PTPN12: variants seen among roughly 807,000 people sequenced by gnomAD.
PTPN12 encodes the protein protein tyrosine phosphatase non-receptor type 12.
PTPN12 carries 29 observed loss-of-function variants against 97.6 expected under a neutral mutation model. The observed-to-expected ratio is 0.30, with a 90% CI of 0.22 to 0.41. PTPN12 has a LOEUF of 0.41. Among genes scored for constraint, PTPN12 ranks in the 10% least tolerant of loss-of-function variants. The pLI, the probability that PTPN12 is intolerant of heterozygous loss-of-function variation, is 1.00. For missense variants in PTPN12, 819 were observed against 926.0 expected, an observed-to-expected ratio of 0.88 and a Z score of 1.50; for synonymous variants, 327 against 300.4, an observed-to-expected ratio of 1.09 and a Z score of -0.91.
chr7:77,549,255 A>G (rs1159663761), intron 1 of PTPN12, among the ~76,000 whole-genome samples: 2 of 152,134 alleles, frequency 1.3e-5, no homozygotes, highest in Non-Finnish European at 2.9e-5. Context: ...AGAATCCTTG[A>G]AGCAAAATTG....
intron 16 of PTPN12, among the ~76,000 whole-genome samples, chr7:77,637,586 G>A (rs529206350): frequency 3.9e-5 from 6 of 152,120 alleles, no homozygotes; most frequent in African/African-American, 1.4e-4. Context: ...GCCTGGCGTG[G>A]TGGCTCACAC....
rs1191426270 is a variant in PTPN12, at chr7:77,578,136, C to T, written c.209-3291C>T. ...CAGTCACCAGAAACTTTACTGAGGA[C>T]CCAGTGGTAAACCAGCTATTGTATT... On this transcript the variant is annotated intron_variant, in intron 2 of 17. Coordinates refer to ENST00000248594, the MANE Select transcript of PTPN12 (RefSeq NM_002835.4). Among the ~76,000 whole-genome samples the T allele has an allele frequency of 2.0e-5, 3 of 152,166 alleles. No individual in the cohort carries two copies. In the East Asian group the frequency reaches 5.8e-4, roughly 29 times the overall value.
At chr7:77,592,354 C>A in intron 6 of PTPN12, 98 bp downstream of exon 6, 4 of 1,005,408 alleles carry the variant, frequency 4.0e-6, no homozygotes, top group Non-Finnish European at 5.8e-6. Flanking sequence ...GGCTTATAGA[C>A]GCCAAGGACT....
chr7:77,541,114 A>T (rs375846714), intron 1 of PTPN12, among the ~76,000 whole-genome samples: 1 of 152,158 alleles, frequency 6.6e-6, no homozygotes, highest in Non-Finnish European at 1.5e-5. Flanking sequence ...TTTTTGAGAC[A>T]GGGTCTCACT....
chr7:77,604,209 C>CATTT (rs1554320981), intron 8 of PTPN12, among the ~76,000 whole-genome samples: 2 of 52,790 alleles, frequency 3.8e-5, no homozygotes, highest in Admixed American at 3.4e-4. Context: ...TTTTTTCTTC[C>CATTT]TTTTTTTTTT....
chr7:77,587,812 A>G (rs1351493927), intron 5 of PTPN12, among the ~76,000 whole-genome samples: 1 of 152,218 alleles, frequency 6.6e-6, no homozygotes, highest in Non-Finnish European at 1.5e-5. Context: ...TCTTTGGATA[A>G]CTTGCTGCAG....
chr7:77,632,366 A>G lies in PTPN12; in HGVS notation c.2015A>G (p.Asp672Gly). Reference sequence around the variant, plus strand: ...AATTTAGATGTTGATGTTAGTGAAGATTCACCTCCTCCCCTACCTGAAAGA... The same window carrying G: ...AATTTAGATGTTGATGTTAGTGAAGGTTCACCTCCTCCCCTACCTGAAAGA... Reference protein sequence around the residue: ...GAEKDVDVSEDSPPPLPERTP... With the variant: ...GAEKDVDVSEGSPPPLPERTP... The change falls in exon 14 of 18, where the codon GAT becomes GGT. Residue 672 changes from aspartate (D) to glycine (G), a missense_variant. Physicochemically the swap from Asp to Gly is moderately conservative, Grantham distance 94. Coordinates refer to ENST00000248594, the MANE Select transcript of PTPN12 (RefSeq NM_002835.4). 3 of 1,608,222 alleles carry G rather than the reference A, an allele frequency of 1.9e-6. No individual in the cohort carries two copies. Among genetic ancestry groups the G allele is most frequent in the Non-Finnish European group, 2.6e-6 (3 of 1,174,746 alleles).
chr7:77,577,666 A>T (rs1787383879), intron 2 of PTPN12, among the ~76,000 whole-genome samples: 1 of 152,234 alleles, frequency 6.6e-6, no homozygotes, highest in African/African-American at 2.4e-5. Context: ...CAAAATCAAA[A>T]TACACATGAT....
chr7:77,542,703 T>G (rs1379126368), intron 1 of PTPN12, among the ~76,000 whole-genome samples: 2 of 151,796 alleles, frequency 1.3e-5, no homozygotes, highest in Non-Finnish European at 2.9e-5. Flanking sequence ...TTTGGTAGAG[T>G]AAGGAGTGAG....
intron 17 of PTPN12, 194 bp downstream of exon 17, chr7:77,638,925 A>G: frequency 1.0e-6 from 1 of 982,522 alleles, no homozygotes; most frequent in Non-Finnish European, 1.4e-6. Flanking sequence ...AGAAAACTGC[A>G]GTATAAAAAA....
At chr7:77,614,446 A>C (rs902897174) in intron 11 of PTPN12, among the ~76,000 whole-genome samples, 22 of 152,178 alleles carry the variant, frequency 1.4e-4, no homozygotes, top group African/African-American at 5.1e-4. Flanking sequence ...GATGAGATGA[A>C]ATAATACCCA....
intron 1 of PTPN12, among the ~76,000 whole-genome samples, chr7:77,569,153 C>G (rs1248831218): frequency 6.6e-6 from 1 of 152,182 alleles, no homozygotes; most frequent in African/African-American, 2.4e-5. Flanking sequence ...CCCTTCCCCA[C>G]AGACACATAC....
At chr7:77,553,948 T>C (rs1584099294) in intron 1 of PTPN12, among the ~76,000 whole-genome samples, 1 of 151,498 alleles carries the variant, frequency 6.6e-6, no homozygotes, top group South Asian at 2.1e-4. Context: ...TTTACTTCTT[T>C]TTTTTTTTAC....
intron 1 of PTPN12, among the ~76,000 whole-genome samples, chr7:77,569,686 G>A (rs1164758151): frequency 6.6e-6 from 1 of 152,178 alleles, no homozygotes; most frequent in African/African-American, 2.4e-5. Context: ...CACAAGAATT[G>A]CTTGAACCTG....
intron 1 of PTPN12, chr7:77,537,983 G>GGT: frequency 1.0e-6 from 1 of 989,824 alleles, no homozygotes; most frequent in South Asian, 3.3e-5. Context: ...CAGGCCGGGG[G>GGT]GGGGGGCTCG....
At chr7:77,609,574 T>A (rs1788492892) in intron 9 of PTPN12, among the ~76,000 whole-genome samples, 1 of 151,686 alleles carries the variant, frequency 6.6e-6, no homozygotes, top group Non-Finnish European at 1.5e-5. Context: ...CCGGCCTAGT[T>A]GTTAAGTCTT....
intron 13 of PTPN12, 118 bp from the exon 14 acceptor site, chr7:77,632,230 G>A (rs1789423221): frequency 2.7e-6 from 2 of 737,536 alleles, no homozygotes; most frequent in Non-Finnish European, 4.7e-6. Flanking sequence ...GCATTTTTTT[G>A]CATTTTTAAA....
At chr7:77,558,210 CAA>C (rs61149538) in intron 1 of PTPN12, among the ~76,000 whole-genome samples, 2,008 of 93,598 alleles carry the variant, frequency 0.021, 32 homozygotes, top group African/African-American at 0.072. Context: ...GACTCCATCT[CAA>C]AAAAAAAAAA....
chr7:77,637,606 C>T (rs902161881), intron 16 of PTPN12, among the ~76,000 whole-genome samples: 3 of 151,956 alleles, frequency 2.0e-5, no homozygotes, highest in Non-Finnish European at 4.4e-5. Context: ...CCTATAATCC[C>T]AGCACTTTGG....
Sources: allele counts gnomAD v4.1 joint callset (sites outside exome capture counted in the v4.1 genomes callset), GRCh38; gene constraint gnomAD v4.1.1; transcripts MANE v1.5; gene names NCBI Gene and HGNC (gene_info 2026-07-23, HGNC 2026-07-21).